The following ZSWIM5 variants were observed in gnomAD, a reference collection of about 807,000 sequenced individuals.
The protein encoded by ZSWIM5 is zinc finger SWIM-type containing 5.
ZSWIM5 carries 55 observed loss-of-function variants against 119.6 expected under a neutral mutation model. The ratio of observed to expected loss-of-function variants is 0.46; its 90% confidence interval spans 0.37 to 0.58. The LOEUF (loss-of-function observed/expected upper bound fraction) is 0.58. Among genes scored for constraint, ZSWIM5 ranks in the 20% least tolerant of loss-of-function variants. ZSWIM5 has a pLI of 0.00. For missense variants in ZSWIM5, 1,193 were observed against 1,512.8 expected, an observed-to-expected ratio of 0.79 and a Z score of 3.51; for synonymous variants, 537 against 606.9, an observed-to-expected ratio of 0.88 and a Z score of 1.69.
At chr1:45,099,254 G>C (rs964328253) in intron 1 of ZSWIM5, among the ~76,000 whole-genome samples, 4 of 152,184 alleles carry the variant, frequency 2.6e-5, no homozygotes, top group African/African-American at 9.7e-5. Flanking sequence ...ACTACCATCA[G>C]AGAATACTAT....
intron 1 of ZSWIM5, among the ~76,000 whole-genome samples, chr1:45,165,111 A>G (rs544352962): frequency 6.8e-4 from 103 of 152,240 alleles, no homozygotes; most frequent in African/African-American, 2.3e-3. Context: ...ATTATAACAA[A>G]CTGTCTCTCA....
At chr1:45,039,936 C>A (rs547058210) in intron 7 of ZSWIM5, among the ~76,000 whole-genome samples, 1 of 152,192 alleles carries the variant, frequency 6.6e-6, no homozygotes, top group Admixed American at 6.5e-5. Flanking sequence ...GAACTCCCGA[C>A]CTCAGGTGAT....
At chr1:45,051,670 T>A (rs1032421355) in intron 4 of ZSWIM5, among the ~76,000 whole-genome samples, 3 of 152,186 alleles carry the variant, frequency 2.0e-5, no homozygotes, top group African/African-American at 7.2e-5. Flanking sequence ...GATAAAGATA[T>A]GTTCAGGGTA....
intron 1 of ZSWIM5, among the ~76,000 whole-genome samples, chr1:45,100,257 GACAA>G (rs1403543367): frequency 9.2e-5 from 14 of 152,082 alleles, no homozygotes; most frequent in Non-Finnish European, 1.9e-4. Flanking sequence ...ACCAATAACA[GACAA>G]ACAGAGAGCC....
chr1:45,130,365 AACACACACACAC>A (rs3051045), intron 1 of ZSWIM5, among the ~76,000 whole-genome samples: 11 of 149,766 alleles, frequency 7.3e-5, no homozygotes, highest in African/African-American at 1.7e-4. Context: ...GAACACTTAA[AACACACACACAC>A]ACACACACAC....
chr1:45,199,925 G>A (rs1479041539), intron 1 of ZSWIM5, among the ~76,000 whole-genome samples: 1 of 152,126 alleles, frequency 6.6e-6, no homozygotes, highest in African/African-American at 2.4e-5. Flanking sequence ...GTGACTAAAC[G>A]TTAATTCAAT....
At chr1:45,185,919 G>A (rs974241692) in intron 1 of ZSWIM5, among the ~76,000 whole-genome samples, 59 of 152,222 alleles carry the variant, frequency 3.9e-4, no homozygotes, top group African/African-American at 1.2e-3. Context: ...CCAAAGGATT[G>A]TAAATCATGC....
chr1:45,067,451 A>AGAAAGAAAG (rs1553191164), intron 2 of ZSWIM5, among the ~76,000 whole-genome samples: 2 of 136,682 alleles, frequency 1.5e-5, no homozygotes, highest in Non-Finnish European at 3.1e-5. Context: ...AAAAAAAAAA[A>AGAAAGAAAG]AAAGAAAGAA....
At chr1:45,184,276 AC>A (rs1646042619) in intron 1 of ZSWIM5, among the ~76,000 whole-genome samples, 1 of 151,924 alleles carries the variant, frequency 6.6e-6, no homozygotes, top group Non-Finnish European at 1.5e-5. Context: ...TCTATGACAA[AC>A]CCACAGCCAA....
chr1:45,204,521 T>C (rs1349530470), intron 1 of ZSWIM5, among the ~76,000 whole-genome samples: 2 of 152,216 alleles, frequency 1.3e-5, no homozygotes, highest in African/African-American at 2.4e-5. Flanking sequence ...AGTTGTGGTA[T>C]GCTGTTGTTT....
chr1:45,066,027 A>G, intron 2 of ZSWIM5, among the ~76,000 whole-genome samples: 2 of 70,598 alleles, frequency 2.8e-5, no homozygotes, highest in African/African-American at 1.2e-4. Flanking sequence ...CCCACCCCAC[A>G]ACAGTCCCCG....
At chr1:45,067,358 G>A (rs922241379) in intron 2 of ZSWIM5, among the ~76,000 whole-genome samples, 2 of 151,676 alleles carry the variant, frequency 1.3e-5, no homozygotes, top group African/African-American at 4.9e-5. Flanking sequence ...AGGATCACCT[G>A]AGCCCAGGGA....
chr1:45,042,333 C>T (rs547276790), intron 6 of ZSWIM5, among the ~76,000 whole-genome samples: 4 of 152,198 alleles, frequency 2.6e-5, no homozygotes, highest in African/African-American at 9.6e-5. Flanking sequence ...TCAAAAAATG[C>T]TCAGTGTTGT....
At chr1:45,022,608 A>C (rs1355438765) in intron 11 of ZSWIM5, among the ~76,000 whole-genome samples, 1 of 152,192 alleles carries the variant, frequency 6.6e-6, no homozygotes, top group African/African-American at 2.4e-5. Context: ...AAGTTAATAG[A>C]CTGTGTCTTT....
intron 1 of ZSWIM5, among the ~76,000 whole-genome samples, chr1:45,151,815 A>G (rs1285801671): frequency 6.6e-6 from 1 of 152,250 alleles, no homozygotes; most frequent in Non-Finnish European, 1.5e-5. Flanking sequence ...TTTAAAGCAT[A>G]TAATTGTTAA....
chr1:45,202,256 A>G (rs1310338134), intron 1 of ZSWIM5, among the ~76,000 whole-genome samples: 3 of 152,220 alleles, frequency 2.0e-5, no homozygotes, highest in Admixed American at 1.3e-4. Context: ...ATATAGATTA[A>G]AACAAATTAC....
chr1:45,095,381 C>A (rs1645394950), intron 1 of ZSWIM5, among the ~76,000 whole-genome samples: 1 of 152,146 alleles, frequency 6.6e-6, no homozygotes, highest in South Asian at 2.1e-4. Context: ...CTGCCTCAGC[C>A]TCCCAAAGTC....
intron 1 of ZSWIM5, among the ~76,000 whole-genome samples, chr1:45,146,613 T>C (rs898157867): frequency 1.3e-5 from 2 of 151,872 alleles, no homozygotes; most frequent in Non-Finnish European, 2.9e-5. Flanking sequence ...CTAATTTTTG[T>C]ATTTTTAGTA....
chr1:45,168,714 T>G (rs1384800247), intron 1 of ZSWIM5, among the ~76,000 whole-genome samples: 1 of 149,204 alleles, frequency 6.7e-6, no homozygotes, highest in Non-Finnish European at 1.5e-5. Flanking sequence ...TTTTCCTACA[T>G]GGGAGTTTTT....
Sources: allele counts gnomAD v4.1 joint callset (sites outside exome capture counted in the v4.1 genomes callset), GRCh38; gene constraint gnomAD v4.1.1; transcripts MANE v1.5; gene names NCBI Gene and HGNC (gene_info 2026-07-23, HGNC 2026-07-21).